The following AATK variants were observed in gnomAD, a reference collection of about 807,000 sequenced individuals.
AATK encodes the protein serine/threonine-protein kinase LMTK1.
In AATK, 91 loss-of-function variants were observed where a neutral mutation model predicts 114.3. The observed-to-expected ratio is 0.80, with a 90% CI of 0.67 to 0.95. The LOEUF is 0.95. AATK is among the 40% of genes least tolerant of loss of function. The probability of loss-of-function intolerance (pLI) is 0.00; values close to 1 mark genes in which losing one functional copy is unlikely to be tolerated. For synonymous variants in AATK, 1,075 were observed against 916.5 expected (o/e 1.17, Z -3.12); for missense variants, 2,176 against 1,965.2 (o/e 1.11, Z -2.03).
In AATK at chr17:81,119,137, G is replaced by C. The variant is rs1216920208; in HGVS notation, c.4084+243C>G. Among the ~76,000 whole-genome samples the C allele has an allele frequency of 1.4e-4, 13 of 92,190 alleles. No homozygotes were observed. The East Asian group carries it at 3.7e-3, about 26-fold the overall frequency. The allele number at this position is 92,190 out of a possible 152,430, so 60.5% of individuals were successfully genotyped here. On this transcript the variant is annotated intron_variant, in intron 13 of 13. Coordinates refer to ENST00000326724, the MANE Select transcript of AATK (RefSeq NM_001080395.3). ...AGAGCCGAGTGCAGGGGCCAGGTGA[G>C]GGCCAGGTGAGGGTCAGGTGAGGGT...
rs925184792 is a variant in AATK, at chr17:81,122,091, C to T, written c.1845G>A (p.Gly615=). ...CTCCTCCCTCCGCCAGACTCAGGGG[C>T]CCCGCCGAGGGCGAGGGAGAGCGTG... ...CPSRSPSPSA[G]PLSLAEGGAE... The change falls in exon 11 of 14, where the codon GGG becomes GGA. Residue 615 remains glycine, a synonymous_variant. Transcript: ENST00000326724. 38 of 1,579,240 alleles carry T rather than the reference C, an allele frequency of 2.4e-5. No individual in the cohort carries two copies. The highest frequency in any genetic ancestry group is 3.0e-5 in the Non-Finnish European group (35 of 1,169,586).
At chr17:81,143,845 G>A (rs1369954850) in intron 1 of AATK, among the ~76,000 whole-genome samples, 1 of 152,256 alleles carries the variant, frequency 6.6e-6, no homozygotes, top group African/African-American at 2.4e-5. Context: ...CACCCGTCGG[G>A]TGTGCCTGGC....
rs978008842 is a variant in AATK, at chr17:81,126,905, A to G, written c.622-345T>C. On this transcript the variant is annotated intron_variant, in intron 6 of 13. Coordinates refer to ENST00000326724, the MANE Select transcript of AATK (RefSeq NM_001080395.3). The surrounding 1 kb of genome is among the most constrained non-coding windows in gnomAD (Gnocchi z 5.1). ...GTCGAGGGTTGGCCGGCAGCCCCTG[A>G]CCTGCCGAAAGCCCAGCCCCGGGAC... 1.8e-6 allele frequency: 2 copies of G among 1,084,942 alleles called. No individual in the cohort carries two copies. Among genetic ancestry groups the G allele is most frequent in the Non-Finnish European group, 2.3e-6 (2 of 877,494 alleles). The allele number at this position is 1,084,942 out of a possible 1,614,324, so 67.2% of individuals were successfully genotyped here.
chr17:81,119,948 T>C lies in AATK; in HGVS notation c.3871A>G (p.Thr1291Ala). Residue 1291 changes from threonine (T) to alanine (A), a missense_variant, in exon 12 of 14, where the codon ACA (threonine) becomes GCA (alanine). Physicochemically the swap from Thr to Ala is moderately conservative, Grantham distance 58. Coordinates refer to ENST00000326724, the MANE Select transcript of AATK (RefSeq NM_001080395.3). The stretch of plus-strand genomic sequence containing the variant: ...CGCCCCTGCTCACCCTCTTCCGCTG[T>C]GGAGCCATTTGGGGAGCCATCAGCC... ...QQADGSPNGSTAEEGGGFAWD... is the reference protein window; with the variant it reads ...QQADGSPNGSAAEEGGGFAWD... 6.9e-7 allele frequency: 1 copy of C among 1,446,214 alleles called. No individual in the cohort carries two copies. Among genetic ancestry groups the C allele is most frequent in the East Asian group, 2.7e-5 (1 of 37,270 alleles). 89.6% of individuals were successfully genotyped at this position (1,446,214 alleles called of 1,614,324 possible).
chr17:81,153,734 G>A (rs544428232), intron 1 of AATK, among the ~76,000 whole-genome samples: 1 of 152,176 alleles, frequency 6.6e-6, no homozygotes, highest in Non-Finnish European at 1.5e-5. Context: ...CAGAAGACAG[G>A]AGAATCTAAT....
At chr17:81,151,662 CA>C (rs1035252306) in intron 1 of AATK, among the ~76,000 whole-genome samples, 1 of 152,140 alleles carries the variant, frequency 6.6e-6, no homozygotes, top group Non-Finnish European at 1.5e-5. Flanking sequence ...ATCATAATCC[CA>C]AAAGACACCG....
rs35548893 is a variant in AATK at position 81,128,143 on chromosome 17, C to CCT, written c.415-235_415-234dup. On this transcript the variant is annotated intron_variant, in intron 4 of 13. Coordinates refer to ENST00000326724, the MANE Select transcript of AATK (RefSeq NM_001080395.3). The stretch of plus-strand genomic sequence containing the variant: ...CTCTCCCCACAAGGTCCCCCGCTGC[C>CCT]CTCTCTCTCTCTCTCTCTGGGGGTT... Among the ~76,000 whole-genome samples, 21 of 150,794 alleles carry CCT rather than the reference C, an allele frequency of 1.4e-4. No individual in the cohort carries two copies. In the South Asian group the frequency reaches 1.5e-3, roughly 11 times the overall value.
Position 81,121,976 on chromosome 17 carries a change from G to C in AATK, c.1960C>G (p.Pro654Ala). The C allele has an allele frequency of 6.2e-7, 1 of 1,600,234 alleles. No individual in the cohort carries two copies. Among genetic ancestry groups the C allele is most frequent in the Non-Finnish European group, 8.5e-7 (1 of 1,177,500 alleles). Reference sequence around the variant, plus strand: ...TCCTCGCCAGTCAGCGGCAGCGGGGGCGCCCCTGAGCTCCCCAAAGGGGAC... The same window carrying C: ...TCCTCGCCAGTCAGCGGCAGCGGGGCCGCCCCTGAGCTCCCCAAAGGGGAC... ...GTSPLGSSGA[P>A]PLPLTGEDEL... Residue 654 changes from proline to alanine, a missense_variant, in exon 11 of 14, where the codon CCC becomes GCC. Coordinates refer to ENST00000326724, the MANE Select transcript of AATK (RefSeq NM_001080395.3).
intron 1 of AATK, among the ~76,000 whole-genome samples, chr17:81,156,249 T>C (rs2061364990): frequency 6.6e-6 from 1 of 152,064 alleles, no homozygotes; most frequent in Non-Finnish European, 1.5e-5. Flanking sequence ...TGTTACAATG[T>C]ATGTTACCAT....
chr17:81,148,684 G>A (rs1180175734), intron 1 of AATK, among the ~76,000 whole-genome samples: 2 of 152,192 alleles, frequency 1.3e-5, no homozygotes, highest in Non-Finnish European at 2.9e-5. Flanking sequence ...GAGGGAAGGA[G>A]CATACAGACA....
chr17:81,163,373 C>T (rs1203904748), intron 1 of AATK, among the ~76,000 whole-genome samples: 2 of 152,228 alleles, frequency 1.3e-5, no homozygotes, highest in Non-Finnish European at 2.9e-5. Flanking sequence ...CCACCCCCTT[C>T]CTGCCAGCCT....
At chr17:81,152,363 A>T (rs1461002401) in intron 1 of AATK, among the ~76,000 whole-genome samples, 2 of 152,174 alleles carry the variant, frequency 1.3e-5, no homozygotes, top group Admixed American at 1.3e-4. Flanking sequence ...AGACAGGAGG[A>T]TCACTTGAGC....
chr17:81,142,748 C>A (rs2061156981), intron 1 of AATK, among the ~76,000 whole-genome samples: 1 of 152,174 alleles, frequency 6.6e-6, no homozygotes. Context: ...ACCTGTGAGC[C>A]TCCCTGAGCA....
chr17:81,138,085 T>C (rs1429469971), intron 1 of AATK, among the ~76,000 whole-genome samples: 1 of 141,426 alleles, frequency 7.1e-6, no homozygotes, highest in Non-Finnish European at 1.5e-5. Flanking sequence ...CACACCTGTG[T>C]GCACACACGC....
chr17:81,119,497 C>A lies in AATK; in HGVS notation c.3967G>T (p.Ala1323Ser), dbSNP rs762246513. 3 of 1,519,122 alleles carry A rather than the reference C, an allele frequency of 2.0e-6. No individual in the cohort carries two copies. Among genetic ancestry groups the A allele is most frequent in the South Asian group, 2.5e-5 (2 of 78,664 alleles). The allele number at this position is 1,519,122 out of a possible 1,614,324, so 94.1% of individuals were successfully genotyped here. The change falls in exon 13 of 14, where the codon GCC becomes TCC. Residue 1323 changes from alanine to serine, a missense_variant. Ala to Ser is a moderately conservative substitution (Grantham distance 99). Transcript: ENST00000326724. ...FAMALDPAAP[A>S]PAAPTPTPAP... ...GGCGTGGGCGTGGGCGCAGCCGGGG[C>A]GGGTGCGGCCGGGTCTAGGGCCATG...
chr17:81,155,662 G>A (rs1323512189), intron 1 of AATK, among the ~76,000 whole-genome samples: 1 of 151,678 alleles, frequency 6.6e-6, no homozygotes, highest in East Asian at 1.9e-4. Flanking sequence ...GGGATTGCAG[G>A]CATGAGCCAG....
chr17:81,122,416 G>C lies in AATK; in HGVS notation c.1520C>G (p.Ala507Gly). The change falls in exon 11 of 14, where the codon GCC (alanine) becomes GGC (glycine). Residue 507 changes from alanine to glycine, a missense_variant. By Grantham distance (60) the Ala-to-Gly change is moderately conservative. This residue lies in a region of AATK where 1,701 missense variants were observed against 1,394.7 expected (regional missense o/e 1.22). Transcript: ENST00000326724. ...CACGCCCGGGGGCGCGCCGTCGGGG[G>C]CGCACAGCTCCTGCAGGCGTGCGGT... ...GRTARLQELC[A>G]PDGAPPGVVP... 6.8e-7 allele frequency: 1 copy of C among 1,462,988 alleles called. No individual in the cohort carries two copies. The highest frequency in any genetic ancestry group is 9.0e-7 in the Non-Finnish European group (1 of 1,110,654). 90.6% of individuals were successfully genotyped at this position (1,462,988 alleles called of 1,614,324 possible).
intron 2 of AATK, chr17:81,133,267 A>G (rs1362973100): frequency 2.1e-6 from 1 of 479,782 alleles, no homozygotes; most frequent in South Asian, 1.5e-5. Flanking sequence ...AAAGGCAAAA[A>G]GGCCACATCC....
At chr17:81,155,642 C>G (rs907334137) in intron 1 of AATK, among the ~76,000 whole-genome samples, 11 of 152,056 alleles carry the variant, frequency 7.2e-5, no homozygotes, top group African/African-American at 2.7e-4. Flanking sequence ...CCTCGGCCTC[C>G]CAAAGTGCTG....
Sources: allele counts gnomAD v4.1 joint callset (sites outside exome capture counted in the v4.1 genomes callset), GRCh38; gene constraint gnomAD v4.1.1; regional missense constraint gnomAD v4.1.1; non-coding constraint Gnocchi (gnomAD v3.1); transcripts MANE v1.5; gene names NCBI Gene and HGNC (gene_info 2026-07-23, HGNC 2026-07-21).